Variants in BSCL2 observed in about 807,000 individuals in gnomAD.
BSCL2 encodes the protein seipin.
A neutral mutation model predicts 57.4 loss-of-function variants in BSCL2; 41 were observed. The observed-to-expected ratio is 0.71, with a 90% CI of 0.56 to 0.93. BSCL2 has a LOEUF of 0.93. BSCL2 is among the 40% of genes least tolerant of loss of function. The pLI is 0.00. For synonymous variants in BSCL2, 237 were observed against 227.3 expected (o/e 1.04, Z -0.38); for missense variants, 539 against 586.7 (o/e 0.92, Z 0.84).
At chr11:62,700,214 C>A (rs1014692535) in intron 3 of BSCL2, among the ~76,000 whole-genome samples, 3 of 151,602 alleles carry the variant, frequency 2.0e-5, no homozygotes, top group Non-Finnish European at 4.4e-5. Flanking sequence ...GCACTCCAGG[C>A]TAGGTGGCAG....
chr11:62,697,826 T>G (rs769975668), intron 3 of BSCL2, among the ~76,000 whole-genome samples: 46 of 148,622 alleles, frequency 3.1e-4, no homozygotes, highest in Non-Finnish European at 3.9e-4. Flanking sequence ...GCTTTGAACA[T>G]CACCATCTCC....
chr11:62,691,277 G>C lies in BSCL2; in HGVS notation c.1005+3C>G, dbSNP rs372166360. 2 of 1,614,044 alleles carry C rather than the reference G, an allele frequency of 1.2e-6. No individual in the cohort carries two copies. Among genetic ancestry groups the C allele is most frequent in the South Asian group, 2.2e-5 (2 of 91,052 alleles). ...ACAAAAGGGGGTCCTTGCCCCTTTC[G>C]ACCTGCAAAGAGAAGCGGTGTCGGG... is the stretch of plus-strand genomic sequence containing the variant. On this transcript the variant is annotated splice_donor_region_variant and intron_variant, in intron 7 of 10. Coordinates refer to ENST00000360796, the MANE Select transcript of BSCL2 (RefSeq NM_001122955.4).
At chr11:62,705,265 T>C (rs373212703) in intron 2 of BSCL2, 36 bp downstream of exon 2, 55 of 1,555,654 alleles carry the variant, frequency 3.5e-5, no homozygotes, top group Admixed American at 3.0e-4. Context: ...ACAATTCCCA[T>C]AGGAGTCCTC....
chr11:62,707,055 C>A, intron 1 of BSCL2, 54 bp downstream of exon 1: 2 of 1,482,756 alleles, frequency 1.3e-6, no homozygotes, highest in Non-Finnish European at 1.8e-6. Context: ...CCCTTCACGC[C>A]AGCCCACCTA....
upstream of BSCL2, chr11:62,708,242 G>C (rs1037092053): frequency 8.6e-7 from 1 of 1,160,142 alleles, no homozygotes; most frequent in African/African-American, 1.5e-5. Context: ...GAGTGAGCAT[G>C]GAGGGGGGCC....
At chr11:62,691,186 C>A in intron 7 of BSCL2, 45 bp from the exon 8 acceptor site, 1 of 1,613,942 alleles carries the variant, frequency 6.2e-7, no homozygotes, top group East Asian at 2.2e-5. Flanking sequence ...ACTTCCCTCA[C>A]TAACAATCAG....
chr11:62,701,258 T>A (rs1043110749), intron 3 of BSCL2, among the ~76,000 whole-genome samples: 1 of 152,204 alleles, frequency 6.6e-6, no homozygotes, highest in Non-Finnish European at 1.5e-5. Context: ...TTGCTCACTT[T>A]ACCTAGCAGA....
At chr11:62,706,574 C>T in intron 1 of BSCL2, 1 of 466,432 alleles carries the variant, frequency 2.1e-6, no homozygotes, top group Non-Finnish European at 4.4e-6. Flanking sequence ...CTCCGCTCGG[C>T]TCTCCCTTGA....
At chr11:62,707,044 C>T (rs1009592766) in intron 1 of BSCL2, 65 bp downstream of exon 1, 6 of 1,104,622 alleles carry the variant, frequency 5.4e-6, no homozygotes, top group Non-Finnish European at 6.6e-6. Flanking sequence ...ATCCCCCCGC[C>T]CCCTTCACGC....
At position 62,690,653 on chromosome 11, in the gene BSCL2, GGCT is replaced by G; in HGVS notation, c.1190_1192del (p.Gln397del). On this transcript the variant is annotated inframe_deletion, in exon 10 of 11. Coordinates refer to ENST00000360796, the MANE Select transcript of BSCL2 (RefSeq NM_001122955.4). ...CTCTAGCTCCTCTTCTCCGCTCAGG[GGCT>G]GCTGATCTGGTTTCTCCTCCTCGGA... 1.3e-5 allele frequency: 21 copies of G among 1,613,900 alleles called. No individual in the cohort carries two copies. The highest frequency in any genetic ancestry group is 1.8e-5 in the Non-Finnish European group (21 of 1,180,008).
At chr11:62,702,398 C>G (rs1945669540) in intron 3 of BSCL2, 70 bp downstream of exon 3, 8 of 1,387,580 alleles carry the variant, frequency 5.8e-6, no homozygotes, top group East Asian at 4.8e-5. Flanking sequence ...TCTCTCTAGG[C>G]CTTTCTCAAG....
rs750176844 is a variant in BSCL2, at chr11:62,702,529, G to A, written c.425C>T (p.Thr142Ile). Residue 142 changes from threonine (T) to isoleucine (I), a missense_variant, in exon 3 of 11, where the codon ACC becomes ATC. Thr to Ile is a moderately conservative substitution (Grantham distance 89). This residue lies in a region of BSCL2 where 218 missense variants were observed against 224.8 expected (regional missense o/e 0.97). Transcript: ENST00000360796. ...FYYRTDCDSS[T>I]TSLCSFPVAN... ...AACAGGGAAGGAGCAGAGTGAGGTGGTGGAGGAATCACAGTCGGTCCTAAA... is the reference window on the plus strand; with the variant it reads ...AACAGGGAAGGAGCAGAGTGAGGTGATGGAGGAATCACAGTCGGTCCTAAA... The A allele has an allele frequency of 6.2e-6, 10 of 1,612,532 alleles. No homozygotes were observed. Among genetic ancestry groups the A allele is most frequent in the Non-Finnish European group, 8.5e-6 (10 of 1,178,932 alleles).
rs771322168 is a variant in BSCL2, at chr11:62,691,299, C to A, written c.986G>T (p.Arg329Leu). Residue 329 changes from arginine to leucine, a missense_variant, in exon 7 of 11, where the codon CGA (arginine) becomes CTA (leucine). Physicochemically the swap from Arg to Leu is moderately radical, Grantham distance 102 (BLOSUM62 -2). Around this residue, in one of 3 missense-constraint regions of BSCL2, gnomAD observed 248 missense variants for 239.9 expected, o/e 1.03. Transcript: ENST00000360796. ...TTCGACCTGCAAAGAGAAGCGGTGT[C>A]GGGGCCAGATGCCCCCCCACACCCA... The part of the protein sequence containing the change: ...MQWVWGGIWP[R>L]HRFSLQVNIR... The A allele has an allele frequency of 1.2e-6, 2 of 1,614,036 alleles. No individual in the cohort carries two copies. The highest frequency in any genetic ancestry group is 2.7e-5 in the African/African-American group (2 of 74,902).
At position 62,707,163 on chromosome 11, in the gene BSCL2, T is replaced by C. The variant is rs2083555136; in HGVS notation, c.33A>G (p.Glu11=). The part of the protein sequence containing the change: MSTEKVDQKE[E]AGEKEVCGDQ... ...CTCCGCACACCTCTTTTTCCCCAGC[T>C]TCCTCCTTTTGGTCTACCTTTTCTG... Residue 11 remains glutamate, a synonymous_variant, in exon 1 of 11, where the codon GAA becomes GAG. Transcript: ENST00000360796. 1 of 1,554,268 alleles carries C rather than the reference T, an allele frequency of 6.4e-7. No individual in the cohort carries two copies. Among genetic ancestry groups the C allele is most frequent in the African/African-American group, 1.4e-5 (1 of 73,374 alleles).
chr11:62,708,377 A>T (rs746095570), upstream of BSCL2: 2 of 1,612,728 alleles, frequency 1.2e-6, no homozygotes, highest in Admixed American at 3.3e-5. Context: ...GATTGAAGCC[A>T]GCTTGTGTCG....
upstream of BSCL2, chr11:62,709,403 A>AAC (rs921809807): frequency 1.1e-5 from 5 of 453,886 alleles, no homozygotes; most frequent in African/African-American, 4.0e-5. Flanking sequence ...GCGAAGAGCA[A>AAC]ACACACACAC....
intron 4 of BSCL2, 139 bp downstream of exon 4, chr11:62,694,429 T>A (rs1945395194): frequency 7.8e-7 from 1 of 1,285,224 alleles, no homozygotes; most frequent in South Asian, 1.2e-5. Context: ...AGTCTTGAAC[T>A]CCTGGGCTCA....
intron 3 of BSCL2, among the ~76,000 whole-genome samples, chr11:62,696,206 G>C (rs1313426851): frequency 6.6e-6 from 1 of 151,742 alleles, no homozygotes; most frequent in African/African-American, 2.4e-5. Context: ...ATCTGTTGAA[G>C]AAAATGGATT....
Position 62,702,691 on chromosome 11 carries a change from A to C in BSCL2, c.405-142T>G, listed in dbSNP as rs1003204748. Reference sequence around the variant, plus strand: ...CTTCTCTCTGTTACAAAGATGGAGAACAAATGTGGCCAGGAGATTCAAGAT... The same window carrying C: ...CTTCTCTCTGTTACAAAGATGGAGACCAAATGTGGCCAGGAGATTCAAGAT... On this transcript the variant is annotated intron_variant, in intron 2 of 10. Coordinates refer to ENST00000360796, the MANE Select transcript of BSCL2 (RefSeq NM_001122955.4). 1.9e-5 allele frequency: 13 copies of C among 690,210 alleles called. No individual in the cohort carries two copies. The Admixed American group carries it at 2.5e-4, about 13-fold the overall frequency. The allele number at this position is 690,210 out of a possible 1,614,324, so 42.8% of individuals were successfully genotyped here. A position where few individuals can be genotyped will look rare whatever the true frequency, so the allele number is the denominator to read the frequency against.
Sources: gnomAD v4.1 joint callset for allele counts (sites outside exome capture counted in the v4.1 genomes callset) on GRCh38, gnomAD v4.1.1 for gene constraint, gnomAD v4.1.1 regional missense constraint, MANE v1.5 for transcripts, NCBI Gene and HGNC (gene_info 2026-07-23, HGNC 2026-07-21) for gene names.